CLPX: variants seen among roughly 807,000 people sequenced by gnomAD.
CLPX encodes ATP-dependent clpX-like chaperone, mitochondrial.
Under a neutral mutation model 76.4 loss-of-function variants are expected in CLPX, and 34 were observed. That is an observed-to-expected ratio of 0.45 (90% confidence interval 0.34 to 0.59). The LOEUF is 0.59. Ranked by LOEUF, CLPX falls within the 20% of genes least tolerant of loss-of-function variation. The pLI, the probability that CLPX is intolerant of heterozygous loss-of-function variation, is 0.01. For missense variants in CLPX, 613 were observed against 757.0 expected, an observed-to-expected ratio of 0.81 and a Z score of 2.23; for synonymous variants, 248 against 270.9, an observed-to-expected ratio of 0.92 and a Z score of 0.83.
intron 6 of CLPX, among the ~76,000 whole-genome samples, chr15:65,159,931 G>A (rs1057122730): frequency 4.6e-5 from 7 of 151,576 alleles, no homozygotes; most frequent in Non-Finnish European, 8.8e-5. Flanking sequence ...TCCTGCCTCA[G>A]CATCCCGAGT....
At chr15:65,156,283 G>C (rs774382268) in intron 9 of CLPX, among the ~76,000 whole-genome samples, 3 of 152,096 alleles carry the variant, frequency 2.0e-5, no homozygotes, top group Non-Finnish European at 4.4e-5. Flanking sequence ...TATATTTGGA[G>C]ATGCTTTTAT....
intron 1 of CLPX, 91 bp downstream of exon 1, chr15:65,184,984 G>A: frequency 1.9e-6 from 2 of 1,072,482 alleles, no homozygotes; most frequent in Non-Finnish European, 2.8e-6. Flanking sequence ...GGGTGCAGCA[G>A]GCCTCGTGCC....
chr15:65,166,866 T>C lies in CLPX; in HGVS notation c.359-81A>G, dbSNP rs1200670784. ...TTAACCTTAAAGACTCCACTGTAAA[T>C]GAAAGCTACGCACCTGACAAAAAGT... On this transcript the variant is annotated intron_variant, in intron 3 of 13. Transcript: ENST00000300107. The C allele has an allele frequency of 5.6e-5, 78 of 1,388,026 alleles. 1 individual carries two copies. In the East Asian group the frequency reaches 1.8e-3, roughly 31 times the overall value. 86.0% of individuals were successfully genotyped at this position (1,388,026 alleles called of 1,614,324 possible).
At chr15:65,167,524 TA>T (rs1342278341) in intron 3 of CLPX, among the ~76,000 whole-genome samples, 1 of 152,178 alleles carries the variant, frequency 6.6e-6, no homozygotes, top group Middle Eastern at 3.4e-3. Flanking sequence ...TTGAAAGAGA[TA>T]AATCTATTTT....
At chr15:65,163,434 TAC>T (rs1177273426) in intron 5 of CLPX, among the ~76,000 whole-genome samples, 4 of 152,114 alleles carry the variant, frequency 2.6e-5, no homozygotes, top group African/African-American at 9.7e-5. Flanking sequence ...CTTCACACTG[TAC>T]AGTGATAACT....
chr15:65,163,672 G>A (rs889539422), intron 5 of CLPX, among the ~76,000 whole-genome samples: 1 of 152,016 alleles, frequency 6.6e-6, no homozygotes, highest in African/African-American at 2.4e-5. Context: ...ATTTTTAGTA[G>A]AGACGGAGTT....
intron 6 of CLPX, among the ~76,000 whole-genome samples, chr15:65,160,621 T>TCACACACA (rs759420054): frequency 1.8e-3 from 234 of 128,530 alleles, no homozygotes; most frequent in African/African-American, 7.0e-3. Flanking sequence ...TCTCTCTCTC[T>TCACACACA]CTCACACACA....
chr15:65,155,986 C>T (rs1404988493), intron 9 of CLPX, 130 bp from the exon 10 acceptor site: 9 of 693,774 alleles, frequency 1.3e-5, no homozygotes, highest in Admixed American at 2.9e-5. Context: ...GAAACTCCCA[C>T]ATTCCTATAA....
Position 65,156,868 on chromosome 15 carries a change from A to T in CLPX, c.1122T>A (p.Asp374Glu). Residue 374 changes from aspartate (D) to glutamate (E), a missense_variant, in exon 9 of 14, where the codon GAT becomes GAA. This residue lies in a region of CLPX where 450 missense variants were observed against 638.6 expected (regional missense o/e 0.70). Transcript: ENST00000300107. ...GSVPGIHQLR[D>E]VGGEGVQQGL... ...CTTGCTGAACGCCTTCTCCACCTAC[A>T]TCCCGTAATTGATGAATGCCTGGCA... 6.2e-7 allele frequency: 1 copy of T among 1,613,368 alleles called. No individual in the cohort carries two copies. The highest frequency in any genetic ancestry group is 8.5e-7 in the Non-Finnish European group (1 of 1,179,500).
intron 4 of CLPX, among the ~76,000 whole-genome samples, chr15:65,165,789 G>A (rs5019245): frequency 1.3e-5 from 2 of 152,132 alleles, no homozygotes; most frequent in Non-Finnish European, 2.9e-5. Context: ...AAATTCTTTA[G>A]TTGTTGACCA....
chr15:65,175,589 A>C (rs2088080132), intron 3 of CLPX, among the ~76,000 whole-genome samples: 1 of 152,196 alleles, frequency 6.6e-6, no homozygotes, highest in South Asian at 2.1e-4. Flanking sequence ...CAGAGTTCAA[A>C]TGTTTTCACG....
Position 65,175,042 on chromosome 15 carries a change from G to A in CLPX, c.358+3892C>T, listed in dbSNP as rs146677728. ...GGGTCTATTCTTTTCTCATAAAGGA[G>A]GATCTACATATGCATTCTTCAAGTA... On this transcript the variant is annotated intron_variant, in intron 3 of 13. Coordinates refer to ENST00000300107, the MANE Select transcript of CLPX (RefSeq NM_006660.5). Among the ~76,000 whole-genome samples the A allele has an allele frequency of 6.4e-3, 972 of 152,148 alleles. 6 individuals carry two copies. Among genetic ancestry groups the A allele is most frequent in the Middle Eastern group, 0.014 (4 of 294 alleles).
At position 65,168,712 on chromosome 15, in the gene CLPX, C is replaced by T. The variant is rs570817274; in HGVS notation, c.359-1927G>A. Among the ~76,000 whole-genome samples the T allele has an allele frequency of 2.1e-3, 313 of 151,152 alleles. 1 individual carries two copies. The highest frequency in any genetic ancestry group is 6.7e-3 in the African/African-American group (274 of 41,152). The stretch of plus-strand genomic sequence containing the variant: ...TGTATACCTATGTAACAAACCTGCA[C>T]GTTGTACATGTGTACCCTAGAACTT... On this transcript the variant is annotated intron_variant, in intron 3 of 13. Coordinates refer to ENST00000300107, the MANE Select transcript of CLPX (RefSeq NM_006660.5).
chr15:65,151,922 C>T (rs942190439), intron 13 of CLPX, among the ~76,000 whole-genome samples: 9 of 151,878 alleles, frequency 5.9e-5, no homozygotes, highest in African/African-American at 2.2e-4. Flanking sequence ...AAATCCAGCC[C>T]CATTGCCTTT....
chr15:65,160,191 G>A (rs954634153), intron 6 of CLPX, among the ~76,000 whole-genome samples: 9 of 152,196 alleles, frequency 5.9e-5, no homozygotes, highest in Admixed American at 5.2e-4. Context: ...TAGAATAATA[G>A]TTTGGCAGAC....
chr15:65,165,010 GT>G (rs1363067755), intron 4 of CLPX, among the ~76,000 whole-genome samples: 2 of 152,064 alleles, frequency 1.3e-5, no homozygotes, highest in Non-Finnish European at 2.9e-5. Context: ...TAAGTTTTTA[GT>G]GAATAGAAAT....
chr15:65,158,754 GA>G lies in CLPX; in HGVS notation c.716-4del, dbSNP rs755530711. ...AATTCCAGCAATCTGAAGCAATTCT[GA>G]AAAAAATGCCAAAGGAATTACTTGA... On this transcript the variant is annotated splice_region_variant and splice_polypyrimidine_tract_variant and intron_variant, in intron 6 of 13. Coordinates refer to ENST00000300107, the MANE Select transcript of CLPX (RefSeq NM_006660.5). 9.6e-6 allele frequency: 15 copies of G among 1,555,262 alleles called. No homozygotes were observed. Among genetic ancestry groups the G allele is most frequent in the Admixed American group, 6.0e-5 (3 of 50,414 alleles).
At chr15:65,176,050 C>A (rs1036162199) in intron 3 of CLPX, among the ~76,000 whole-genome samples, 7 of 152,200 alleles carry the variant, frequency 4.6e-5, no homozygotes, top group Non-Finnish European at 1.0e-4. Flanking sequence ...TTTCCTTCTA[C>A]ATTTTCTACT....
At chr15:65,166,598 A>C in intron 4 of CLPX, 33 bp downstream of exon 4, 1 of 1,604,494 alleles carries the variant, frequency 6.2e-7, no homozygotes, top group Non-Finnish European at 8.5e-7. Flanking sequence ...TTTCAAGATA[A>C]AATACTTGTA....
Sources: allele counts gnomAD v4.1 joint callset (sites outside exome capture counted in the v4.1 genomes callset), GRCh38; gene constraint gnomAD v4.1.1; regional missense constraint gnomAD v4.1.1; transcripts MANE v1.5; gene names NCBI Gene and HGNC (gene_info 2026-07-23, HGNC 2026-07-21).